ZFAT: variants seen among roughly 807,000 people sequenced by gnomAD.
ZFAT encodes the protein zinc finger protein ZFAT.
ZFAT carries 64 observed loss-of-function variants against 117.7 expected under a neutral mutation model. The observed-to-expected ratio is 0.54, with a 90% CI of 0.44 to 0.67. The LOEUF is 0.67. Among genes scored for constraint, ZFAT ranks in the 30% least tolerant of loss-of-function variants. The pLI, the probability that ZFAT is intolerant of heterozygous loss-of-function variation, is 0.00. For missense variants in ZFAT, 1,433 were observed against 1,584.5 expected (o/e 0.90, Z 1.62); for synonymous variants, 679 against 615.0 (o/e 1.10, Z -1.54).
In ZFAT at chr8:134,712,930, AG is replaced by A; in HGVS notation, c.-68del. The stretch of plus-strand genomic sequence containing the variant: ...TCCGGGCCCCCTCCCGTGCCGACCG[AG>A]GGGGCGGGGCGCCCTGCTGACGCTT... On this transcript the variant is annotated 5_prime_UTR_variant, in exon 1 of 16. Coordinates refer to ENST00000377838, the MANE Select transcript of ZFAT (RefSeq NM_020863.4). 6.9e-7 allele frequency: 1 copy of A among 1,447,498 alleles called. No homozygotes were observed. The highest frequency in any genetic ancestry group is 9.1e-7 in the Non-Finnish European group (1 of 1,100,644). 89.7% of individuals were successfully genotyped at this position (1,447,498 alleles called of 1,614,324 possible).
intron 14 of ZFAT, among the ~76,000 whole-genome samples, chr8:134,512,146 T>G (rs1368776593): frequency 6.6e-6 from 1 of 152,214 alleles, no homozygotes; most frequent in Non-Finnish European, 1.5e-5. Flanking sequence ...CCATTAACAA[T>G]GAAAAGCAAC....
Position 134,512,467 on chromosome 8 carries a change from G to A in ZFAT, c.3361+8C>T, listed in dbSNP as rs150106467. The A allele has an allele frequency of 2.6e-4, 412 of 1,613,052 alleles. 2 individuals carry two copies. The African/African-American group carries it at 3.5e-3, about 14-fold the overall frequency. On this transcript the variant is annotated splice_region_variant and intron_variant, in intron 14 of 15. Coordinates refer to ENST00000377838, the MANE Select transcript of ZFAT (RefSeq NM_020863.4). The stretch of plus-strand genomic sequence containing the variant: ...CTGAGATGGCAAAGGAAGACCAGGC[G>A]TCCTCACCACTCTCAGAGGTGTATC...
chr8:134,570,595 C>T (rs1293673714), intron 10 of ZFAT, among the ~76,000 whole-genome samples: 1 of 152,144 alleles, frequency 6.6e-6, no homozygotes, highest in Non-Finnish European at 1.5e-5. Context: ...ATTTTCATGC[C>T]ATGTCCTCAG....
intron 4 of ZFAT, 111 bp downstream of exon 4, chr8:134,610,359 G>GC: frequency 5.1e-6 from 6 of 1,165,552 alleles, no homozygotes; most frequent in Non-Finnish European, 7.2e-6. Flanking sequence ...TAAATGGAGA[G>GC]CCCCACCAAT....
At chr8:134,751,442 G>A in the ZFAT span, among the ~76,000 whole-genome samples, 4 of 152,260 alleles carry the variant, frequency 2.6e-5, no homozygotes, top group South Asian at 8.3e-4. Flanking sequence ...GAATTGACAG[G>A]AACAAGGCAG....
Position 134,616,261 on chromosome 8 carries a change from G to A in ZFAT, c.449-5606C>T, listed in dbSNP as rs184330850. Among the ~76,000 whole-genome samples the A allele has an allele frequency of 4.1e-4, 62 of 152,302 alleles. 1 individual carries two copies. Among genetic ancestry groups the A allele is most frequent in the African/African-American group, 1.3e-3 (52 of 41,548 alleles). On this transcript the variant is annotated intron_variant, in intron 3 of 15. Coordinates refer to ENST00000377838, the MANE Select transcript of ZFAT (RefSeq NM_020863.4). ...TGTCGTAGATGCTCAATACTTCTTC[G>A]TGGAAAGCAAGGAGGGTACAGGGTA...
At chr8:134,816,913 G>A in the ZFAT span, among the ~76,000 whole-genome samples, 17 of 151,514 alleles carry the variant, frequency 1.1e-4, no homozygotes, top group South Asian at 1.5e-3. Context: ...CCCGGGAGGC[G>A]GAGGTTGCAG....
intron 1 of ZFAT, among the ~76,000 whole-genome samples, chr8:134,706,710 AAAAG>A (rs377555994): frequency 2.0e-5 from 3 of 150,850 alleles, no homozygotes; most frequent in Non-Finnish European, 4.4e-5. Context: ...AACAAACAAA[AAAAG>A]ACTAGTGGTT....
At chr8:134,517,870 G>A (rs1820364434) in intron 13 of ZFAT, among the ~76,000 whole-genome samples, 2 of 152,188 alleles carry the variant, frequency 1.3e-5, no homozygotes, top group Admixed American at 1.3e-4. Context: ...AATACCATGA[G>A]ATGAAGTGTC....
intron 2 of ZFAT, among the ~76,000 whole-genome samples, chr8:134,647,117 A>G (rs997315557): frequency 5.9e-5 from 9 of 152,180 alleles, no homozygotes; most frequent in African/African-American, 2.2e-4. Context: ...AAACAAAAAT[A>G]CTCAAAAAAT....
rs1357301227 is a variant in ZFAT at position 134,520,883 on chromosome 8, C to T, written c.3234G>A (p.Glu1078=). Reference sequence around the variant, plus strand: ...TTAATACCATACTTAAAAAAATTACCTCCCACTTGGGGTCTCCATCAATTT... The same window carrying T: ...TTAATACCATACTTAAAAAAATTACTTCCCACTTGGGGTCTCCATCAATTT... ...VVEIDGDPKW[E]TATEAPEEPS... is the part of the protein sequence containing the mutation. Residue 1078 remains glutamate, a splice_region_variant and synonymous_variant, in exon 13 of 16, where the codon GAG becomes GAA. Coordinates refer to ENST00000377838, the MANE Select transcript of ZFAT (RefSeq NM_020863.4). The T allele has an allele frequency of 6.2e-7, 1 of 1,612,532 alleles. No individual in the cohort carries two copies. Among genetic ancestry groups the T allele is most frequent in the Non-Finnish European group, 8.5e-7 (1 of 1,178,986 alleles).
At chr8:134,811,469 C>A in the ZFAT span, among the ~76,000 whole-genome samples, 1 of 152,148 alleles carries the variant, frequency 6.6e-6, no homozygotes, top group Non-Finnish European at 1.5e-5. Context: ...AACCACAATA[C>A]CATTATTCCC....
intron 3 of ZFAT, among the ~76,000 whole-genome samples, chr8:134,615,507 G>A (rs979199327): frequency 6.6e-6 from 1 of 152,058 alleles, no homozygotes; most frequent in Non-Finnish European, 1.5e-5. Context: ...CATCTTGAGA[G>A]TCAAATCCCC....
chr8:134,506,144 C>A (rs1819390350), intron 15 of ZFAT, among the ~76,000 whole-genome samples: 1 of 152,222 alleles, frequency 6.6e-6, no homozygotes, highest in Non-Finnish European at 1.5e-5. Context: ...GGCTAGCTGT[C>A]TTCCATTTAC....
intron 1 of ZFAT, among the ~76,000 whole-genome samples, chr8:134,687,587 G>A (rs928638552): frequency 1.3e-5 from 2 of 152,104 alleles, no homozygotes; most frequent in East Asian, 3.9e-4. Context: ...CCCGAGAGCA[G>A]ATGTGTGGGA....
chr8:134,732,217 G>A, the ZFAT span, among the ~76,000 whole-genome samples: 62,413 of 152,160 alleles, frequency 0.41, 13,282 homozygotes, highest in Non-Finnish European at 0.47. Context: ...GGCTGTGCCC[G>A]CTGCTTCTGG....
chr8:134,510,003 T>C (rs1819696127), intron 14 of ZFAT: 2 of 505,320 alleles, frequency 4.0e-6, no homozygotes, highest in South Asian at 3.1e-5. Context: ...TTGCATTTTG[T>C]AGAAGCCTCA....
At chr8:134,646,539 A>G (rs757717524) in intron 2 of ZFAT, among the ~76,000 whole-genome samples, 1 of 152,158 alleles carries the variant, frequency 6.6e-6, no homozygotes, top group Non-Finnish European at 1.5e-5. Flanking sequence ...AAGTGAGCAG[A>G]TGGAAGGAAA....
rs1816271230 is a variant in ZFAT at position 134,512,596 on chromosome 8, T to C, written c.3240A>G (p.Ala1080=). Residue 1080 remains alanine, a synonymous_variant, in exon 14 of 16, where the codon GCA becomes GCG. Transcript: ENST00000377838. ...TGGAGGGCTCCTCAGGAGCTTCTGT[T>C]GCTGTCTAAATAAAAACATAGTACC... ...EIDGDPKWET[A]TEAPEEPSTQ... is the part of the protein sequence containing the mutation. The C allele has an allele frequency of 6.2e-7, 1 of 1,612,966 alleles. No individual in the cohort carries two copies. Among genetic ancestry groups the C allele is most frequent in the Non-Finnish European group, 8.5e-7 (1 of 1,179,612 alleles).
Sources: gnomAD v4.1 joint callset for allele counts (sites outside exome capture counted in the v4.1 genomes callset) on GRCh38, gnomAD v4.1.1 for gene constraint, MANE v1.5 for transcripts, NCBI Gene and HGNC (gene_info 2026-07-23, HGNC 2026-07-21) for gene names.